The following ANKRD13D variants were observed in gnomAD, a reference collection of about 807,000 sequenced individuals.
ANKRD13D encodes ankyrin repeat domain-containing protein 13D.
ANKRD13D carries 24 observed loss-of-function variants against 68.8 expected under a neutral mutation model. The observed-to-expected ratio is 0.35, with a 90% CI of 0.25 to 0.49. The LOEUF (loss-of-function observed/expected upper bound fraction) is 0.49, where lower values mean the gene tolerates loss of function less well. Among genes scored for constraint, ANKRD13D ranks in the 20% least tolerant of loss-of-function variants. The pLI is 0.99. For missense variants in ANKRD13D, 735 were observed against 832.1 expected (o/e 0.88, Z 1.44); for synonymous variants, 331 against 336.1 (o/e 0.98, Z 0.16).
intron 3 of ANKRD13D, 71 bp from the exon 4 acceptor site, chr11:67,291,405 A>G: frequency 8.3e-6 from 12 of 1,445,108 alleles, no homozygotes; most frequent in Non-Finnish European, 1.1e-5. Flanking sequence ...CTGGCTGTGG[A>G]CAAGGGGCTC....
At position 67,300,958 on chromosome 11, in the gene ANKRD13D, G is replaced by T; in HGVS notation, c.1074-32G>T. 1 of 1,611,454 alleles carries T rather than the reference G, an allele frequency of 6.2e-7. No individual in the cohort carries two copies. The stretch of plus-strand genomic sequence containing the variant: ...CCTCAATGGAAGGGCCACCAGCCGT[G>T]CCTCACCCATGTCCTGTGGTCGGCT... On this transcript the variant is annotated intron_variant, in intron 10 of 14. Transcript: ENST00000511455. The surrounding 1 kb of genome is among the most constrained non-coding windows in gnomAD (Gnocchi z 4.3).
At position 67,301,971 on chromosome 11, in the gene ANKRD13D, G is replaced by A; in HGVS notation, c.1604+148G>A. On this transcript the variant is annotated intron_variant, in intron 14 of 14. Coordinates refer to ENST00000511455, the MANE Select transcript of ANKRD13D (RefSeq NM_207354.3). This position sits in a 1 kb window ranked among gnomAD's most constrained non-coding sequence, Gnocchi z 4.5. ...TATCTGCCACCAAAGGTGGTGTGAG[G>A]GGTGGGGAAGCAGGGCCCTGCCTTG... 4.5e-6 allele frequency: 6 copies of A among 1,337,538 alleles called. No individual in the cohort carries two copies. Among genetic ancestry groups the A allele is most frequent in the Admixed American group, 2.7e-5 (1 of 36,880 alleles). The allele number at this position is 1,337,538 out of a possible 1,614,324, so 82.9% of individuals were successfully genotyped here.
chr11:67,294,340 C>T (rs1351055479), intron 6 of ANKRD13D, among the ~76,000 whole-genome samples: 1 of 152,146 alleles, frequency 6.6e-6, no homozygotes, highest in African/African-American at 2.4e-5. Flanking sequence ...AGGAATTGCA[C>T]TGAATCTATA....
rs1006534242 is a variant in ANKRD13D at position 67,299,573 on chromosome 11, C to T, written c.842C>T (p.Thr281Met). 22 of 1,550,996 alleles carry T rather than the reference C, an allele frequency of 1.4e-5. 1 individual carries two copies. The highest frequency in any genetic ancestry group is 9.8e-5 in the East Asian group (4 of 40,930). The change falls in exon 8 of 15, where the codon ACG becomes ATG. Residue 281 changes from threonine (T) to methionine (M), a missense_variant. Thr to Met is a moderately conservative substitution (Grantham distance 81). Transcript: ENST00000511455. The surrounding 1 kb of genome is among the most constrained non-coding windows in gnomAD (Gnocchi z 6.2). ...TNVELVTRTR[T>M]EHLSDQDKSR... ...GTGGAGCTGGTGACACGCACACGCA[C>T]GGAGCACCTCTCTGATCAGGACAAG... is the stretch of plus-strand genomic sequence containing the variant.
chr11:67,298,998 A>G (rs1174661117), intron 6 of ANKRD13D, 60 bp from the exon 7 acceptor site: 8 of 1,585,806 alleles, frequency 5.0e-6, no homozygotes, highest in Non-Finnish European at 6.1e-6. Context: ...TTTGGAAAGG[A>G]AGGCTTTGGC....
At chr11:67,293,123 G>T (rs1214474226) in intron 6 of ANKRD13D, among the ~76,000 whole-genome samples, 1 of 152,134 alleles carries the variant, frequency 6.6e-6, no homozygotes, top group African/African-American at 2.4e-5. Context: ...GCAAGTTTTT[G>T]TGTAGACGTA....
At position 67,301,754 on chromosome 11, in the gene ANKRD13D, C is replaced by T; in HGVS notation, c.1535C>T (p.Thr512Ile). The T allele has an allele frequency of 6.2e-7, 1 of 1,611,352 alleles. No homozygotes were observed. The change falls in exon 14 of 15, where the codon ACC becomes ATC. Residue 512 changes from threonine (T) to isoleucine (I), a missense_variant. Thr to Ile is a moderately conservative substitution (Grantham distance 89, BLOSUM62 -1). Coordinates refer to ENST00000511455, the MANE Select transcript of ANKRD13D (RefSeq NM_207354.3). The surrounding 1 kb of genome is among the most constrained non-coding windows in gnomAD (Gnocchi z 4.5). ...CAGGTGACCGTCTGGGAAGCCCTGACCAACACCCGGCCCGGTGCCCGCCCT... is the reference window on the plus strand; with the variant it reads ...CAGGTGACCGTCTGGGAAGCCCTGATCAACACCCGGCCCGGTGCCCGCCCT... ...AEQVTVWEAL[T>I]NTRPGARPPP...
rs1860895900 is a variant in ANKRD13D at position 67,299,634 on chromosome 11, G to C, written c.880+23G>C. 5 of 1,550,028 alleles carry C rather than the reference G, an allele frequency of 3.2e-6. No individual in the cohort carries two copies. In the East Asian group the frequency reaches 1.2e-4, roughly 38 times the overall value. ...AAGGTAAACCCAGGTGCGCCTGCCT[G>C]CTGCCCGGTCACACCGTGTGGTGGG... On this transcript the variant is annotated intron_variant, in intron 8 of 14. Coordinates refer to ENST00000511455, the MANE Select transcript of ANKRD13D (RefSeq NM_207354.3). The surrounding 1 kb of genome is among the most constrained non-coding windows in gnomAD (Gnocchi z 6.2).
At chr11:67,290,245 G>T (rs989052248) in intron 2 of ANKRD13D, 32 bp downstream of exon 2, 8 of 1,543,898 alleles carry the variant, frequency 5.2e-6, no homozygotes, top group Non-Finnish European at 7.0e-6. Context: ...TCCCCCTGAG[G>T]CTGGCAGGCG....
chr11:67,298,056 C>CTTTTTTTTTTTTTTTTTTTTT (rs200939455), intron 6 of ANKRD13D: 1 of 130,000 alleles, frequency 7.7e-6, no homozygotes, highest in African/African-American at 3.8e-5. Context: ...TTGAGGTTTT[C>CTTTTTTTTTTTTTTTTTTTTT]TTTTTTTTTT....
At chr11:67,289,815 G>T (rs1222399509) in intron 1 of ANKRD13D, 6 of 1,423,818 alleles carry the variant, frequency 4.2e-6, no homozygotes, top group Non-Finnish European at 5.5e-6. Flanking sequence ...AAGAACTCTG[G>T]TCCTGGTCCC....
chr11:67,292,203 G>A (rs370950657), intron 6 of ANKRD13D, 23 bp downstream of exon 6: 53 of 1,565,828 alleles, frequency 3.4e-5, no homozygotes, highest in Admixed American at 5.4e-5. Flanking sequence ...CTGGCACACC[G>A]TGGGTGGGAT....
In ANKRD13D at chr11:67,300,610, G is replaced by A; in HGVS notation, c.1074-380G>A. The A allele has an allele frequency of 2.4e-6, 1 of 420,402 alleles. No homozygotes were observed. The highest frequency in any genetic ancestry group is 4.2e-6 in the Non-Finnish European group (1 of 236,552). 26.0% of individuals were successfully genotyped at this position (420,402 alleles called of 1,614,324 possible). On this transcript the variant is annotated intron_variant, in intron 10 of 14. Coordinates refer to ENST00000511455, the MANE Select transcript of ANKRD13D (RefSeq NM_207354.3). The surrounding 1 kb of genome is among the most constrained non-coding windows in gnomAD (Gnocchi z 4.3). ...AGTCGCTGGGATTCGAACCCTGGCA[G>A]TCTTGCCCTGGGGTGTGCTGGACAT...
At position 67,300,918 on chromosome 11, in the gene ANKRD13D, G is replaced by A. The variant is rs762164354; in HGVS notation, c.1074-72G>A. ...AAGGTGGGTAAAGGCAGCTGCCCAC[G>A]AACCAGAGGGCAGTCCTCAATGGAA... is the stretch of plus-strand genomic sequence containing the variant. On this transcript the variant is annotated intron_variant, in intron 10 of 14. Transcript: ENST00000511455. This position sits in a 1 kb window ranked among gnomAD's most constrained non-coding sequence, Gnocchi z 4.3. 19 of 1,565,654 alleles carry A rather than the reference G, an allele frequency of 1.2e-5. No homozygotes were observed. The Admixed American group carries it at 1.8e-4, about 15-fold the overall frequency.
Position 67,291,827 on chromosome 11 carries a change from C to G in ANKRD13D, c.541+81C>G, listed in dbSNP as rs572353421. The G allele has an allele frequency of 3.1e-5, 49 of 1,561,124 alleles. No individual in the cohort carries two copies. The African/African-American group carries it at 4.7e-4, about 15-fold the overall frequency. On this transcript the variant is annotated intron_variant, in intron 5 of 14. Transcript: ENST00000511455. The stretch of plus-strand genomic sequence containing the variant: ...GGGAGGACGGTGCTGCCTTTTCTCT[C>G]CACTTTCCAGATGTGGAAGCTGAGG...
In ANKRD13D at chr11:67,301,590, A is replaced by G. The variant is rs761308283; in HGVS notation, c.1451A>G (p.Asp484Gly). The change falls in exon 13 of 15, where the codon GAT becomes GGT. Residue 484 changes from aspartate to glycine, a missense_variant. Asp to Gly is a moderately conservative substitution (Grantham distance 94, BLOSUM62 -1). Coordinates refer to ENST00000511455, the MANE Select transcript of ANKRD13D (RefSeq NM_207354.3). This position sits in a 1 kb window ranked among gnomAD's most constrained non-coding sequence, Gnocchi z 4.5. ...ERNEPLRDEDDDLLQFAIQQS... is the reference protein window; with the variant it reads ...ERNEPLRDEDGDLLQFAIQQS... ...AACGAGCCCCTCCGGGACGAGGACG[A>G]TGACCTCCTGCAGTTCGCCATCCAG... The G allele has an allele frequency of 6.2e-7, 1 of 1,612,892 alleles. No homozygotes were observed. Among genetic ancestry groups the G allele is most frequent in the Admixed American group, 1.7e-5 (1 of 60,024 alleles).
Position 67,300,507 on chromosome 11 carries a change from C to T in ANKRD13D, c.1073+384C>T, listed in dbSNP as rs559503621. ...GTGAGGAGCCTTGAGCAGGTATAGG[C>T]GGTAACAGCAGGCACAGTGCCTGCA... On this transcript the variant is annotated intron_variant, in intron 10 of 14. Transcript: ENST00000511455. This position sits in a 1 kb window ranked among gnomAD's most constrained non-coding sequence, Gnocchi z 4.3. 3.5e-3 allele frequency: 1,147 copies of T among 326,938 alleles called. 3 individuals carry two copies. Among genetic ancestry groups the T allele is most frequent in the Non-Finnish European group, 5.1e-3 (892 of 176,386 alleles). 20.3% of individuals were successfully genotyped at this position (326,938 alleles called of 1,614,324 possible). A position where few individuals can be genotyped will look rare whatever the true frequency, so the allele number is the denominator to read the frequency against.
At chr11:67,294,422 A>G (rs1343179068) in intron 6 of ANKRD13D, among the ~76,000 whole-genome samples, 1 of 152,152 alleles carries the variant, frequency 6.6e-6, no homozygotes, top group Non-Finnish European at 1.5e-5. Context: ...ATGTTTTTCC[A>G]TTTATTTGGA....
chr11:67,290,145 T>C lies in ANKRD13D; in HGVS notation c.158T>C (p.Leu53Pro), dbSNP rs753742731. 3 of 1,537,158 alleles carry C rather than the reference T, an allele frequency of 2.0e-6. No homozygotes were observed. The South Asian group carries it at 3.6e-5, about 18-fold the overall frequency. The change falls in exon 2 of 15, where the codon CTG (leucine) becomes CCG (proline). Residue 53 changes from leucine (L) to proline (P), a missense_variant. Leu to Pro is a moderately conservative substitution (Grantham distance 98). Coordinates refer to ENST00000511455, the MANE Select transcript of ANKRD13D (RefSeq NM_207354.3). The part of the protein sequence containing the change: ...PLELAVSLGN[L>P]ESVRVLLRHN... ...GAGCTGGCCGTGTCTCTGGGAAACC[T>C]GGAGTCTGTGAGAGTGCTCCTTCGA... is the stretch of plus-strand genomic sequence containing the variant.
Sources: allele counts gnomAD v4.1 joint callset (sites outside exome capture counted in the v4.1 genomes callset), GRCh38; gene constraint gnomAD v4.1.1; non-coding constraint Gnocchi (gnomAD v3.1); transcripts MANE v1.5; gene names NCBI Gene and HGNC (gene_info 2026-07-23, HGNC 2026-07-21).